The following CTNNA3 variants were observed in gnomAD, a reference collection of about 807,000 sequenced individuals.
The protein encoded by CTNNA3 is catenin alpha 3.
A neutral mutation model predicts 95.7 loss-of-function variants in CTNNA3; 76 were observed. The ratio of observed to expected loss-of-function variants is 0.79; its 90% CI spans 0.66 to 0.96. The LOEUF (loss-of-function observed/expected upper bound fraction) is 0.96, where lower values mean the gene tolerates loss of function less well. Among genes scored for constraint, CTNNA3 ranks in the 40% least tolerant of loss-of-function variants. The pLI is 0.00. For missense variants in CTNNA3, 1,191 were observed against 1,089.8 expected (o/e 1.09, Z -1.31); for synonymous variants, 431 against 374.4 (o/e 1.15, Z -1.74).
chr10:66,982,285 T>C (rs1850486280), intron 7 of CTNNA3, among the ~76,000 whole-genome samples: 1 of 152,156 alleles, frequency 6.6e-6, no homozygotes, highest in Non-Finnish European at 1.5e-5. Flanking sequence ...GAATAATCAT[T>C]TTGTACTGGA....
At chr10:66,213,255 G>A (rs569613859) in intron 13 of CTNNA3, among the ~76,000 whole-genome samples, 3 of 151,868 alleles carry the variant, frequency 2.0e-5, no homozygotes, top group African/African-American at 7.2e-5. Flanking sequence ...ATAATATCAT[G>A]TATCCTCATA....
chr10:66,927,286 T>C lies in CTNNA3; in HGVS notation c.1048-151762A>G. ...TCTTAGTTCCAATAGAATCTCCTAT[T>C]TTCTTAACAATACCTTCAGACCTGT... On this transcript the variant is annotated intron_variant, in intron 7 of 17. Transcript: ENST00000433211. The surrounding 1 kb of genome is among the most constrained non-coding windows in gnomAD (Gnocchi z 4.7). 1 of 1,614,178 alleles carries C rather than the reference T, an allele frequency of 6.2e-7. No homozygotes were observed. The highest frequency in any genetic ancestry group is 8.5e-7 in the Non-Finnish European group (1 of 1,180,042).
At chr10:67,591,846 A>G (rs188256775) in intron 3 of CTNNA3, among the ~76,000 whole-genome samples, 3 of 152,288 alleles carry the variant, frequency 2.0e-5, no homozygotes, top group African/African-American at 7.2e-5. Flanking sequence ...AACCCCTAGC[A>G]GGATAAATAC....
chr10:66,561,518 A>T (rs1363299210), intron 10 of CTNNA3, among the ~76,000 whole-genome samples: 1 of 152,116 alleles, frequency 6.6e-6, no homozygotes. Flanking sequence ...AATAAAACCA[A>T]GTTCTATGTA....
In CTNNA3 at chr10:66,191,783, T is replaced by A. The variant is rs147064572; in HGVS notation, c.1885-88534A>T. On this transcript the variant is annotated intron_variant, in intron 13 of 17. Transcript: ENST00000433211. ...ACAGACTATCCATAATGGCCCTTGC[T>A]ATGGTTTCAATGTTTCTCCCAAAGT... 3.9e-4 allele frequency among the ~76,000 whole-genome samples: 59 copies of A among 152,314 alleles called. No individual in the cohort carries two copies. In the East Asian group the frequency reaches 9.6e-3, roughly 25 times the overall value.
At chr10:66,354,495 C>T (rs975100829) in intron 12 of CTNNA3, among the ~76,000 whole-genome samples, 4 of 151,960 alleles carry the variant, frequency 2.6e-5, no homozygotes, top group African/African-American at 9.7e-5. Context: ...ATTATTATAA[C>T]TAAAGGGTTA....
chr10:67,207,326 T>C (rs762047586), intron 6 of CTNNA3, among the ~76,000 whole-genome samples: 6 of 152,176 alleles, frequency 3.9e-5, no homozygotes, highest in Non-Finnish European at 8.8e-5. Context: ...TATGAAAATA[T>C]CTGTAATTTC....
chr10:66,618,241 C>T (rs2132306385), intron 10 of CTNNA3, among the ~76,000 whole-genome samples: 1 of 151,844 alleles, frequency 6.6e-6, no homozygotes, highest in South Asian at 2.1e-4. Context: ...AAAAAAGAGC[C>T]CGCATCGCCA....
chr10:67,508,427 T>A (rs1839498051), intron 5 of CTNNA3, among the ~76,000 whole-genome samples: 1 of 152,134 alleles, frequency 6.6e-6, no homozygotes, highest in Non-Finnish European at 1.5e-5. Context: ...GTCTCTTCAA[T>A]AAGTGGGGTT....
intron 7 of CTNNA3, among the ~76,000 whole-genome samples, chr10:66,785,553 T>C (rs1209847577): frequency 6.6e-6 from 1 of 152,168 alleles, no homozygotes. Flanking sequence ...TCAGGACTTA[T>C]GCCAGCACCC....
intron 5 of CTNNA3, among the ~76,000 whole-genome samples, chr10:67,421,539 G>T (rs1845749737): frequency 6.6e-6 from 1 of 152,112 alleles, no homozygotes; most frequent in South Asian, 2.1e-4. Context: ...GTCACATGGG[G>T]ACCATGAACA....
intron 7 of CTNNA3, among the ~76,000 whole-genome samples, chr10:67,016,049 G>T (rs919193859): frequency 2.0e-5 from 3 of 151,512 alleles, no homozygotes; most frequent in African/African-American, 7.3e-5. Flanking sequence ...GAATTCATCT[G>T]TCTCCTTTCT....
At chr10:66,091,834 G>C (rs1478051461) in intron 14 of CTNNA3, among the ~76,000 whole-genome samples, 1 of 150,962 alleles carries the variant, frequency 6.6e-6, no homozygotes, top group Admixed American at 6.6e-5. Context: ...AATTCCTTGA[G>C]GAAAAAAAAA....
intron 17 of CTNNA3, among the ~76,000 whole-genome samples, chr10:65,930,420 T>C (rs1324468683): frequency 1.3e-5 from 2 of 152,084 alleles, no homozygotes; most frequent in Admixed American, 1.3e-4. Flanking sequence ...AAATAAATGA[T>C]TGCTTGTCAG....
intron 11 of CTNNA3, among the ~76,000 whole-genome samples, chr10:66,428,976 GA>G (rs1231672151): frequency 2.0e-5 from 3 of 151,810 alleles, no homozygotes; most frequent in African/African-American, 7.3e-5. Flanking sequence ...CTGGTTTTTT[GA>G]AAAGATCAAA....
chr10:67,370,968 G>A (rs867568707), intron 5 of CTNNA3, among the ~76,000 whole-genome samples: 12 of 148,262 alleles, frequency 8.1e-5, no homozygotes, highest in South Asian at 6.3e-4. Flanking sequence ...CCGGGTTCAC[G>A]CCATTCTCCT....
intron 17 of CTNNA3, among the ~76,000 whole-genome samples, chr10:65,950,789 TA>T (rs2077596883): frequency 6.6e-6 from 1 of 152,228 alleles, no homozygotes; most frequent in South Asian, 2.1e-4. Flanking sequence ...AAGAATATAG[TA>T]ATTATTGTAA....
intron 7 of CTNNA3, among the ~76,000 whole-genome samples, chr10:66,964,099 C>T (rs1796612860): frequency 6.6e-6 from 1 of 152,020 alleles, no homozygotes; most frequent in Non-Finnish European, 1.5e-5. Context: ...ATCTGCCTGC[C>T]TCAGCCTCCC....
At chr10:65,980,359 A>C (rs1440357126) in intron 16 of CTNNA3, among the ~76,000 whole-genome samples, 2 of 151,904 alleles carry the variant, frequency 1.3e-5, no homozygotes, top group East Asian at 3.9e-4. Context: ...AACAACAAAA[A>C]AGTCCAGGAC....
Sources: gnomAD v4.1 joint callset for allele counts (sites outside exome capture counted in the v4.1 genomes callset) on GRCh38, gnomAD v4.1.1 for gene constraint, Gnocchi (gnomAD v3.1) non-coding constraint, MANE v1.5 for transcripts, NCBI Gene and HGNC (gene_info 2026-07-23, HGNC 2026-07-21) for gene names.